Variants in RC3H1 observed in about 807,000 individuals in gnomAD.
The protein encoded by RC3H1 is ring finger and CCCH-type domains 1.
RC3H1 carries 50 observed loss-of-function variants against 138.2 expected under a neutral mutation model. The observed-to-expected ratio is 0.36, with a 90% CI of 0.29 to 0.46. RC3H1 has a LOEUF of 0.46. Among genes scored for constraint, RC3H1 ranks in the 20% least tolerant of loss-of-function variants. The probability of loss-of-function intolerance (pLI) is 1.00; values close to 1 mark genes in which losing one functional copy is unlikely to be tolerated. For missense variants in RC3H1, 1,031 were observed against 1,388.1 expected (o/e 0.74, Z 4.09); for synonymous variants, 462 against 489.1 (o/e 0.94, Z 0.73).
At chr1:173,939,666 C>T (rs1482340812) in intron 19 of RC3H1, among the ~76,000 whole-genome samples, 1 of 151,322 alleles carries the variant, frequency 6.6e-6, no homozygotes, top group Non-Finnish European at 1.5e-5. Context: ...GAAACCCCGT[C>T]TCTATTAAAA....
At chr1:173,969,702 T>C (rs1660268992) in intron 9 of RC3H1, among the ~76,000 whole-genome samples, 1 of 151,622 alleles carries the variant, frequency 6.6e-6, no homozygotes, top group Admixed American at 6.6e-5. Flanking sequence ...ACCCTGTCTC[T>C]ATTTTTAAAA....
chr1:173,983,114 T>C (rs1010036719), intron 4 of RC3H1: 1 of 479,652 alleles, frequency 2.1e-6, no homozygotes, highest in African/African-American at 2.0e-5. Context: ...AAGTGATTAA[T>C]AAATTTAAGA....
intron 1 of RC3H1, among the ~76,000 whole-genome samples, chr1:174,012,435 C>T (rs1334131055): frequency 6.6e-6 from 1 of 151,992 alleles, no homozygotes; most frequent in Non-Finnish European, 1.5e-5. Flanking sequence ...TAATCAGTCT[C>T]CAATACCCTC....
At chr1:173,948,120 T>C (rs1659218033) in intron 14 of RC3H1, among the ~76,000 whole-genome samples, 1 of 152,106 alleles carries the variant, frequency 6.6e-6, no homozygotes, top group Non-Finnish European at 1.5e-5. Context: ...AGACACCAGA[T>C]CAAAGCAGAA....
chr1:173,993,060 C>A lies in RC3H1; in HGVS notation c.-75G>T. The stretch of plus-strand genomic sequence containing the variant: ...GCAAAGATTCCACTGGAATCAAAAT[C>A]TTTGAAAAAAAGTTTATCTTTTTTT... On this transcript the variant is annotated 5_prime_UTR_variant, in exon 2 of 20. Coordinates refer to ENST00000367696, the MANE Select transcript of RC3H1 (RefSeq NM_172071.4). The A allele has an allele frequency of 9.1e-7, 1 of 1,100,724 alleles. No homozygotes were observed. Among genetic ancestry groups the A allele is most frequent in the Non-Finnish European group, 1.3e-6 (1 of 744,624 alleles). 68.2% of individuals were successfully genotyped at this position (1,100,724 alleles called of 1,614,324 possible). A position where few individuals can be genotyped will look rare whatever the true frequency, so the allele number is the denominator to read the frequency against.
intron 13 of RC3H1, among the ~76,000 whole-genome samples, chr1:173,955,263 T>TACAACAAAA (rs1211054354): frequency 3.0e-5 from 4 of 131,772 alleles, no homozygotes; most frequent in Non-Finnish European, 6.2e-5. Context: ...ACAATCTTCA[T>TACAACAAAA]ACAACAACAA....
At chr1:173,972,439 C>T (rs1449150655) in intron 8 of RC3H1, 70 bp downstream of exon 8, 6 of 1,010,974 alleles carry the variant, frequency 5.9e-6, no homozygotes, top group Non-Finnish European at 9.4e-6. Context: ...GGTATACCCA[C>T]AGTGGTTTAC....
In RC3H1 at chr1:173,946,553, C is replaced by T; in HGVS notation, c.2884G>A (p.Glu962Lys). ...ASHGKPLPSA[E>K]REQLRLELQQ... The stretch of plus-strand genomic sequence containing the variant: ...AATTCTAGTCGTAGCTGTTCTCTCT[C>T]AGCAGATGGAAGGGGTTTTCCATGA... Residue 962 changes from glutamate to lysine, a missense_variant, in exon 17 of 20, where the codon GAG (glutamate) becomes AAG (lysine). Transcript: ENST00000367696. The T allele has an allele frequency of 6.2e-7, 1 of 1,614,124 alleles. No homozygotes were observed. The highest frequency in any genetic ancestry group is 8.5e-7 in the Non-Finnish European group (1 of 1,179,984).
intron 1 of RC3H1, among the ~76,000 whole-genome samples, chr1:174,019,616 A>G (rs1173825215): frequency 6.6e-6 from 1 of 152,226 alleles, no homozygotes; most frequent in Non-Finnish European, 1.5e-5. Context: ...CAAATAAATC[A>G]AGCATATATT....
intron 11 of RC3H1, 96 bp downstream of exon 11, chr1:173,963,877 T>C (rs1659982760): frequency 2.1e-6 from 2 of 955,108 alleles, no homozygotes; most frequent in South Asian, 3.1e-5. Context: ...CATTTACTTA[T>C]CTTAAAGAGG....
intron 14 of RC3H1, among the ~76,000 whole-genome samples, chr1:173,950,479 C>T (rs911140568): frequency 1.4e-4 from 20 of 147,400 alleles, no homozygotes; most frequent in Non-Finnish European, 2.7e-4. Flanking sequence ...GTCCCAGCTA[C>T]TTGGGAGGGT....
intron 9 of RC3H1, among the ~76,000 whole-genome samples, chr1:173,965,666 T>C (rs1053006271): frequency 4.6e-5 from 7 of 152,240 alleles, no homozygotes; most frequent in African/African-American, 1.7e-4. Flanking sequence ...TGTGGACATT[T>C]GTATTTCTAA....
At chr1:174,015,556 G>A (rs1661846309) in intron 1 of RC3H1, among the ~76,000 whole-genome samples, 2 of 151,852 alleles carry the variant, frequency 1.3e-5, no homozygotes, top group South Asian at 2.1e-4. Flanking sequence ...TAGTAGAGAT[G>A]GGGTTTCACC....
Position 173,964,181 on chromosome 1 carries a change from T to A in RC3H1, c.1623A>T (p.Glu541Asp). The change falls in exon 11 of 20, where the codon GAA (glutamate) becomes GAT (aspartate). Residue 541 changes from glutamate (E) to aspartate (D), a missense_variant. Around this residue, in one of 7 missense-constraint regions of RC3H1, gnomAD observed 716 missense variants for 837.9 expected, o/e 0.85. Transcript: ENST00000367696. ...SAPGSPPDLL[E>D]SVPKSISALP... ...AGGCAGAAATACTCTTAGGAACAGA[T>A]TCTAGCCTAAGGGAATAATATTATG... 6.2e-7 allele frequency: 1 copy of A among 1,610,174 alleles called. No individual in the cohort carries two copies. Among genetic ancestry groups the A allele is most frequent in the Non-Finnish European group, 8.5e-7 (1 of 1,176,406 alleles).
intron 19 of RC3H1, among the ~76,000 whole-genome samples, chr1:173,940,045 G>C (rs1289017437): frequency 1.3e-5 from 2 of 152,168 alleles, no homozygotes; most frequent in East Asian, 3.8e-4. Flanking sequence ...GGTTGTTCAT[G>C]GTAGTTGATA....
intron 9 of RC3H1, among the ~76,000 whole-genome samples, chr1:173,965,522 C>A (rs1660075008): frequency 6.7e-6 from 1 of 150,222 alleles, no homozygotes; most frequent in Non-Finnish European, 1.5e-5. Context: ...GCCTGGGAGA[C>A]AGCGGTTGCA....
In RC3H1 at chr1:173,933,126, C is replaced by G. The variant is rs912178204; in HGVS notation, c.*5595G>C. 2 of 151,860 alleles carry G rather than the reference C, an allele frequency of 1.3e-5. No individual in the cohort carries two copies. Among genetic ancestry groups the G allele is most frequent in the Non-Finnish European group, 2.9e-5 (2 of 67,896 alleles). The allele number at this position is 151,860 out of a possible 1,614,324, so 9.4% of individuals were successfully genotyped here. A position where few individuals can be genotyped will look rare whatever the true frequency, so the allele number is the denominator to read the frequency against. ...TTTTCTAAATACACATTTTTGGACA[C>G]GATATTATGTTGAGGTTTAAGTTCT... On this transcript the variant is annotated 3_prime_UTR_variant, in exon 20 of 20. Coordinates refer to ENST00000367696, the MANE Select transcript of RC3H1 (RefSeq NM_172071.4).
chr1:174,002,808 G>C (rs150638737), intron 1 of RC3H1, among the ~76,000 whole-genome samples: 1 of 152,052 alleles, frequency 6.6e-6, no homozygotes, highest in African/African-American at 2.4e-5. Flanking sequence ...TCTATTGAGG[G>C]CTTCTTCTTC....
At position 173,961,237 on chromosome 1, in the gene RC3H1, G is replaced by A. The variant is rs764487918; in HGVS notation, c.2210C>T (p.Pro737Leu). 22 of 1,605,118 alleles carry A rather than the reference G, an allele frequency of 1.4e-5. No individual in the cohort carries two copies. Among genetic ancestry groups the A allele is most frequent in the Non-Finnish European group, 5.9e-6 (7 of 1,177,682 alleles). The change falls in exon 13 of 20, where the codon CCT becomes CTT. Residue 737 changes from proline (P) to leucine (L), a missense_variant. By Grantham distance (98) the Pro-to-Leu change is moderately conservative (BLOSUM62 -3). Around this residue, in one of 7 missense-constraint regions of RC3H1, gnomAD observed 716 missense variants for 837.9 expected, o/e 0.85. Transcript: ENST00000367696. The stretch of plus-strand genomic sequence containing the variant: ...GGGAGGAGGAGGAAGCCGGCTATAA[G>A]GAGGTTCCTAAAAATAGAAAGATTA... ...QIRPSYLREP[P>L]YSRLPPPPQP...
Sources: allele counts gnomAD v4.1 joint callset (sites outside exome capture counted in the v4.1 genomes callset), GRCh38; gene constraint gnomAD v4.1.1; regional missense constraint gnomAD v4.1.1; transcripts MANE v1.5; gene names NCBI Gene and HGNC (gene_info 2026-07-23, HGNC 2026-07-21).